TAF12: variants seen among roughly 807,000 people sequenced by gnomAD.
The protein encoded by TAF12 is transcription initiation factor TFIID subunit 12.
Under a neutral mutation model 20.8 loss-of-function variants are expected in TAF12, and 3 were observed. The ratio of observed to expected loss-of-function variants is 0.14; its 90% CI spans 0.07 to 0.37. The LOEUF (loss-of-function observed/expected upper bound fraction) is 0.37. Among genes scored for constraint, TAF12 ranks in the 10% least tolerant of loss-of-function variants. The pLI is 1.00. For missense variants in TAF12, 131 were observed against 197.9 expected (o/e 0.66, Z 2.03); for synonymous variants, 69 against 70.2 (o/e 0.98, Z 0.09).
intron 1 of TAF12, among the ~76,000 whole-genome samples, chr1:28,626,878 T>G (rs1667419335): frequency 6.6e-6 from 1 of 151,842 alleles, no homozygotes; most frequent in African/African-American, 2.4e-5. Flanking sequence ...CCATTGCAAC[T>G]CTAGCTTGGG....
chr1:28,626,157 T>G (rs1360159646), intron 1 of TAF12, among the ~76,000 whole-genome samples: 1 of 151,670 alleles, frequency 6.6e-6, no homozygotes, highest in Non-Finnish European at 1.5e-5. Flanking sequence ...TTTTGTATTT[T>G]TAGTAGAGGA....
Position 28,618,027 on chromosome 1 carries a change from A to G in TAF12, c.172T>C (p.Leu58=), listed in dbSNP as rs751340380. Residue 58 remains leucine, a synonymous_variant, in exon 3 of 6, where the codon TTG becomes CTG. Transcript: ENST00000373824. ...AAGTCCTGTAATTTCTTCTTGGTCA[A>G]TACCTAAAGTTAATTGGAAGAAGAC... ...GRLSPENNQV[L]TKKKLQDLVR... is the part of the protein sequence containing the mutation. 2.5e-6 allele frequency: 4 copies of G among 1,613,072 alleles called. No individual in the cohort carries two copies. Among genetic ancestry groups the G allele is most frequent in the Non-Finnish European group, 3.4e-6 (4 of 1,179,472 alleles).
At chr1:28,622,253 C>A in intron 1 of TAF12, 88 bp from the exon 2 acceptor site, 1 of 1,293,692 alleles carries the variant, frequency 7.7e-7, no homozygotes, top group South Asian at 2.0e-5. Flanking sequence ...GGTGCAATGG[C>A]TCACAACTGT....
chr1:28,645,509 G>A (rs966682559), upstream of TAF12, among the ~76,000 whole-genome samples: 1 of 151,248 alleles, frequency 6.6e-6, no homozygotes, highest in Non-Finnish European at 1.5e-5. Flanking sequence ...TTAGCTGGGC[G>A]TGGTGGTGCA....
At chr1:28,620,754 C>G (rs1244635785) in intron 2 of TAF12, among the ~76,000 whole-genome samples, 1 of 152,138 alleles carries the variant, frequency 6.6e-6, no homozygotes, top group Non-Finnish European at 1.5e-5. Context: ...TTTGAGGCTA[C>G]AGTGAGCTAT....
intron 1 of TAF12, among the ~76,000 whole-genome samples, chr1:28,636,002 A>G (rs1239310057): frequency 6.6e-6 from 1 of 152,130 alleles, no homozygotes; most frequent in Non-Finnish European, 1.5e-5. Context: ...TCACTTAATG[A>G]CTGGTTTTTC....
At chr1:28,638,944 C>A (rs1667937998) in intron 1 of TAF12, among the ~76,000 whole-genome samples, 3 of 151,172 alleles carry the variant, frequency 2.0e-5, no homozygotes, top group African/African-American at 7.3e-5. Flanking sequence ...GGCGCCCGTG[C>A]CCAGCTAATT....
chr1:28,635,209 G>A (rs1282886594), intron 1 of TAF12, among the ~76,000 whole-genome samples: 1 of 145,918 alleles, frequency 6.9e-6, no homozygotes, highest in Admixed American at 6.9e-5. Flanking sequence ...CAGCCTGGGC[G>A]ACAGAGCAAG....
rs1668091020 is a variant in TAF12 at position 28,643,039 on chromosome 1, A to C, written c.-132T>G. On this transcript the variant is annotated 5_prime_UTR_variant, in exon 1 of 6. Coordinates refer to ENST00000373824, the MANE Select transcript of TAF12 (RefSeq NM_005644.4). ...ATGATATGCAGAGACTGCCCCAGTG[A>C]AGCGTTCGTCTCAGCAGCCGGTCCG... is the stretch of plus-strand genomic sequence containing the variant. 1 of 985,888 alleles carries C rather than the reference A, an allele frequency of 1.0e-6. No homozygotes were observed. The highest frequency in any genetic ancestry group is 1.2e-6 in the Non-Finnish European group (1 of 829,956). The allele number at this position is 985,888 out of a possible 1,614,324, so 61.1% of individuals were successfully genotyped here.
chr1:28,618,002 A>G lies in TAF12; in HGVS notation c.197T>C (p.Leu66Ser), dbSNP rs764054566. ...QVLTKKKLQD[L>S]VREVDPNEQL... ...CTCATTAGGATCCACTTCTCTTACTAAGTCCTGTAATTTCTTCTTGGTCAA... is the reference window on the plus strand; with the variant it reads ...CTCATTAGGATCCACTTCTCTTACTGAGTCCTGTAATTTCTTCTTGGTCAA... Residue 66 changes from leucine (L) to serine (S), a missense_variant, in exon 3 of 6, where the codon TTA becomes TCA. Physicochemically the swap from Leu to Ser is moderately radical, Grantham distance 145. Coordinates refer to ENST00000373824, the MANE Select transcript of TAF12 (RefSeq NM_005644.4). The G allele has an allele frequency of 6.2e-7, 1 of 1,613,868 alleles. No homozygotes were observed.
At chr1:28,630,846 C>A (rs904328270) in intron 1 of TAF12, among the ~76,000 whole-genome samples, 11 of 151,438 alleles carry the variant, frequency 7.3e-5, no homozygotes, top group African/African-American at 2.7e-4. Context: ...GAGTTCCAGA[C>A]CAACCTGGCC....
At chr1:28,647,276 T>C (rs1401099656), upstream of TAF12, among the ~76,000 whole-genome samples, 6 of 151,858 alleles carry the variant, frequency 4.0e-5, no homozygotes, top group Non-Finnish European at 1.5e-5. Flanking sequence ...TCTTTACAAT[T>C]GTCACATATT....
At chr1:28,615,678 C>CAAAAAAAAAAAAAAAA (rs57536422) in intron 3 of TAF12, among the ~76,000 whole-genome samples, 2 of 34,494 alleles carry the variant, frequency 5.8e-5, no homozygotes, top group African/African-American at 2.6e-4. Flanking sequence ...GACTCCGTCT[C>CAAAAAAAAAAAAAAAA]AAAAAAAAAA....
chr1:28,627,212 C>A (rs1667433280), intron 1 of TAF12, among the ~76,000 whole-genome samples: 2 of 151,216 alleles, frequency 1.3e-5, no homozygotes, highest in South Asian at 4.2e-4. Flanking sequence ...CATGGTGAAA[C>A]CCCCATCTCT....
In TAF12 at chr1:28,621,949, C is replaced by T. The variant is rs748810993; in HGVS notation, c.133G>A (p.Gly45Arg). The T allele has an allele frequency of 1.2e-6, 2 of 1,613,746 alleles. No homozygotes were observed. Among genetic ancestry groups the T allele is most frequent in the Non-Finnish European group, 1.7e-6 (2 of 1,179,922 alleles). The change falls in exon 2 of 6, where the codon GGG becomes AGG. Residue 45 changes from glycine (G) to arginine (R), a missense_variant. This residue lies in a region of TAF12 where 63 missense variants were observed against 72.1 expected (regional missense o/e 0.87). Transcript: ENST00000373824. ...TAVVKIPGTP[G>R]AGGRLSPENN... ...TCAGGGCTAAGACGACCTCCTGCCCCAGGAGTGCCTGGTATCTTTACCACT... is the reference window on the plus strand; with the variant it reads ...TCAGGGCTAAGACGACCTCCTGCCCTAGGAGTGCCTGGTATCTTTACCACT...
At chr1:28,616,734 A>C (rs981218219) in intron 3 of TAF12, among the ~76,000 whole-genome samples, 2 of 151,422 alleles carry the variant, frequency 1.3e-5, no homozygotes, top group Non-Finnish European at 3.0e-5. Context: ...AGACTGTCTC[A>C]AAAAAATAAA....
upstream of TAF12, among the ~76,000 whole-genome samples, chr1:28,647,552 C>T: frequency 6.6e-6 from 1 of 152,132 alleles, no homozygotes; most frequent in East Asian, 1.9e-4. Flanking sequence ...GCATGACCCA[C>T]AGCACCCGTC....
At position 28,608,670 on chromosome 1, in the gene TAF12, G is replaced by A. The variant is rs144633895; in HGVS notation, c.362-3210C>T. Among the ~76,000 whole-genome samples, 1,268 of 151,460 alleles carry A rather than the reference G, an allele frequency of 8.4e-3. 5 individuals are homozygous for A. Among genetic ancestry groups the A allele is most frequent in the Middle Eastern group, 0.024 (7 of 294 alleles). ...ATCGGGAGGCTGAAGCAGGAGAATC[G>A]CTTGAACCCGGGAGGCAGAGGTTGC... On this transcript the variant is annotated intron_variant, in intron 4 of 5. Transcript: ENST00000373824.
intron 2 of TAF12, 99 bp downstream of exon 2, chr1:28,621,815 G>GA: frequency 6.6e-7 from 1 of 1,504,942 alleles, no homozygotes; most frequent in East Asian, 2.5e-5. Flanking sequence ...TCGGCTAAGA[G>GA]AAAAAAGCAG....
Sources: allele counts gnomAD v4.1 joint callset (sites outside exome capture counted in the v4.1 genomes callset), GRCh38; gene constraint gnomAD v4.1.1; regional missense constraint gnomAD v4.1.1; transcripts MANE v1.5; gene names NCBI Gene and HGNC (gene_info 2026-07-23, HGNC 2026-07-21).